Variants in NEK7 observed in about 807,000 individuals in gnomAD.
NEK7 encodes serine/threonine-protein kinase Nek7.
A neutral mutation model predicts 44.6 loss-of-function variants in NEK7; 18 were observed. That is an observed-to-expected ratio of 0.40 (90% CI 0.28 to 0.60). The LOEUF is 0.60. NEK7 is among the 20% of genes least tolerant of loss of function. The pLI is 0.38. For synonymous variants in NEK7, 130 were observed against 121.1 expected (o/e 1.07, Z -0.48); for missense variants, 256 against 366.5 (o/e 0.70, Z 2.46).
At chr1:198,280,034 A>G (rs1654146015) in intron 7 of NEK7, among the ~76,000 whole-genome samples, 1 of 152,082 alleles carries the variant, frequency 6.6e-6, no homozygotes, top group South Asian at 2.1e-4. Context: ...TATTTTGAGA[A>G]AATGAAATTT....
intron 1 of NEK7, among the ~76,000 whole-genome samples, chr1:198,210,560 T>G (rs1665732145): frequency 6.6e-6 from 1 of 151,584 alleles, no homozygotes; most frequent in Non-Finnish European, 1.5e-5. Context: ...ACTGATTAAT[T>G]TTTTTAGAAG....
chr1:198,161,383 A>G (rs1425112701), intron 1 of NEK7, among the ~76,000 whole-genome samples: 2 of 152,192 alleles, frequency 1.3e-5, no homozygotes, highest in South Asian at 2.1e-4. Context: ...CAAATACAGT[A>G]TCTGACCAAG....
intron 1 of NEK7, among the ~76,000 whole-genome samples, chr1:198,159,049 A>AG (rs1295633438): frequency 3.3e-5 from 5 of 152,082 alleles, no homozygotes; most frequent in Non-Finnish European, 7.4e-5. Flanking sequence ...GGTAGTGTTA[A>AG]GGGGGAGGAA....
At chr1:198,164,143 T>C (rs758904793) in intron 1 of NEK7, among the ~76,000 whole-genome samples, 2 of 152,250 alleles carry the variant, frequency 1.3e-5, no homozygotes, top group Non-Finnish European at 2.9e-5. Context: ...TTTAGTTACA[T>C]AGTTCTCCCG....
chr1:198,221,657 A>G (rs1666081083), intron 1 of NEK7, among the ~76,000 whole-genome samples: 1 of 151,898 alleles, frequency 6.6e-6, no homozygotes, highest in South Asian at 2.1e-4. Context: ...TTCAAAGATT[A>G]AATGCACTGA....
In NEK7 at chr1:198,279,922, A is replaced by G. The variant is rs373350803; in HGVS notation, c.589+861A>G. Among the ~76,000 whole-genome samples, 191 of 152,106 alleles carry G rather than the reference A, an allele frequency of 1.3e-3. 2 individuals carry two copies. The highest frequency in any genetic ancestry group is 4.4e-3 in the African/African-American group (184 of 41,536). Reference sequence around the variant, plus strand: ...AACAGTACCTAAAACGTAAGTAGGTACTCAATTAATATTTGCTGAATTACA... The same window carrying G: ...AACAGTACCTAAAACGTAAGTAGGTGCTCAATTAATATTTGCTGAATTACA... On this transcript the variant is annotated intron_variant, in intron 7 of 9. Transcript: ENST00000367385.
chr1:198,312,746 A>G (rs10922398), intron 9 of NEK7, among the ~76,000 whole-genome samples: 18,440 of 144,770 alleles, frequency 0.13, 1,298 homozygotes, highest in East Asian at 0.39. Flanking sequence ...TAGTTGAGCG[A>G]TTTTGAGTGA....
intron 5 of NEK7, among the ~76,000 whole-genome samples, chr1:198,266,454 G>A (rs1172340038): frequency 1.3e-5 from 2 of 152,018 alleles, no homozygotes; most frequent in Non-Finnish European, 2.9e-5. Flanking sequence ...TCATCATCCA[G>A]TGGGAGAAAC....
intron 1 of NEK7, among the ~76,000 whole-genome samples, chr1:198,158,180 C>T (rs1663974921): frequency 1.3e-5 from 2 of 152,176 alleles, no homozygotes; most frequent in Admixed American, 1.3e-4. Context: ...CTGTAGTCCT[C>T]ACTGGGGAGA....
At chr1:198,314,994 A>C (rs1220210518) in intron 9 of NEK7, among the ~76,000 whole-genome samples, 2 of 152,096 alleles carry the variant, frequency 1.3e-5, no homozygotes, top group Non-Finnish European at 2.9e-5. Flanking sequence ...TTGTTTACCT[A>C]AGCACGCCTG....
intron 1 of NEK7, chr1:198,220,940 C>G (rs1476779319): frequency 2.6e-5 from 4 of 151,768 alleles, no homozygotes; most frequent in Non-Finnish European, 2.9e-5. Flanking sequence ...GTACATGTAA[C>G]TAGAAGGAAT....
At chr1:198,295,541 A>G (rs1001803059) in intron 8 of NEK7, among the ~76,000 whole-genome samples, 3 of 151,938 alleles carry the variant, frequency 2.0e-5, no homozygotes, top group Admixed American at 6.6e-5. Context: ...TAAAAACAGG[A>G]CAGTTGACAT....
chr1:198,204,781 A>G (rs974260326), intron 1 of NEK7, among the ~76,000 whole-genome samples: 2 of 151,912 alleles, frequency 1.3e-5, no homozygotes, highest in Non-Finnish European at 2.9e-5. Context: ...TGAAATAACT[A>G]TTCCAAACAT....
rs376882220 is a variant in NEK7 at position 198,202,350 on chromosome 1, A to G, written c.-28-30203A>G. ...TCCTCACTTTAGCAATCCCCTGTCA[A>G]TCATTGAGTAACTTGCCCAAAATCC... On this transcript the variant is annotated intron_variant, in intron 1 of 9. Transcript: ENST00000367385. Among the ~76,000 whole-genome samples, 180 of 152,246 alleles carry G rather than the reference A, an allele frequency of 1.2e-3. 1 individual carries two copies. The highest frequency in any genetic ancestry group is 9.3e-3 in the South Asian group (45 of 4,824).
At chr1:198,209,918 G>A (rs1665714551) in intron 1 of NEK7, among the ~76,000 whole-genome samples, 1 of 151,874 alleles carries the variant, frequency 6.6e-6, no homozygotes, top group South Asian at 2.1e-4. Flanking sequence ...CTGGGTTCAA[G>A]CAATTCTCAT....
In NEK7 at chr1:198,157,197, C is replaced by CCGA. The variant is rs947119265; in HGVS notation, c.-105_-103dup. 2 of 151,802 alleles carry CCGA rather than the reference C, an allele frequency of 1.3e-5. No homozygotes were observed. Among genetic ancestry groups the CCGA allele is most frequent in the African/African-American group, 4.8e-5 (2 of 41,374 alleles). 9.4% of individuals were successfully genotyped at this position (151,802 alleles called of 1,614,324 possible). A position where few individuals can be genotyped will look rare whatever the true frequency, so the allele number is the denominator to read the frequency against. On this transcript the variant is annotated 5_prime_UTR_variant, in exon 1 of 10. Coordinates refer to ENST00000367385, the MANE Select transcript of NEK7 (RefSeq NM_133494.3). ...CTCAGCCCCCGGCCCAGCGCGCTTT[C>CCGA]CGACGGCGGCGCCGCGCCGAGCCAC... is the stretch of plus-strand genomic sequence containing the variant.
chr1:198,290,064 TATC>T (rs1352483028), intron 7 of NEK7, among the ~76,000 whole-genome samples: 2 of 152,208 alleles, frequency 1.3e-5, no homozygotes, highest in Non-Finnish European at 2.9e-5. Flanking sequence ...TTTATAATGT[TATC>T]ATCCATTTCC....
chr1:198,269,764 T>A (rs1653778689), intron 5 of NEK7, among the ~76,000 whole-genome samples: 4 of 152,070 alleles, frequency 2.6e-5, no homozygotes, highest in Admixed American at 2.6e-4. Flanking sequence ...CAAATATAAT[T>A]AAGCAATTTA....
intron 1 of NEK7, among the ~76,000 whole-genome samples, chr1:198,229,249 T>C (rs1666316426): frequency 6.6e-6 from 1 of 152,198 alleles, no homozygotes; most frequent in Admixed American, 6.5e-5. Context: ...CATTGGAGGT[T>C]CCTGGAGTGT....
Sources: gnomAD v4.1 joint callset for allele counts (sites outside exome capture counted in the v4.1 genomes callset) on GRCh38, gnomAD v4.1.1 for gene constraint, MANE v1.5 for transcripts, NCBI Gene and HGNC (gene_info 2026-07-23, HGNC 2026-07-21) for gene names.